DLGAP2: variants seen among roughly 807,000 people sequenced by gnomAD.
DLGAP2 encodes disks large-associated protein 2.
Under a neutral mutation model 100.3 loss-of-function variants are expected in DLGAP2, and 26 were observed. The ratio of observed to expected loss-of-function variants is 0.26; its 90% confidence interval spans 0.19 to 0.36. The LOEUF (loss-of-function observed/expected upper bound fraction) is 0.36, where lower values mean the gene tolerates loss of function less well. Among genes scored for constraint, DLGAP2 ranks in the 10% least tolerant of loss-of-function variants. DLGAP2 has a pLI of 1.00. For missense variants in DLGAP2, 1,858 were observed against 1,453.2 expected, an observed-to-expected ratio of 1.28 and a Z score of -4.53; for synonymous variants, 886 against 630.1, an observed-to-expected ratio of 1.41 and a Z score of -6.08.
intron 3 of DLGAP2, among the ~76,000 whole-genome samples, chr8:1,342,897 G>C (rs571326073): frequency 1.3e-4 from 20 of 152,062 alleles, no homozygotes; most frequent in Non-Finnish European, 2.6e-4. Flanking sequence ...GCTTTCTGCC[G>C]TCTTTGCCGT....
At chr8:1,083,767 C>T (rs1014342111) in intron 2 of DLGAP2, among the ~76,000 whole-genome samples, 3 of 151,996 alleles carry the variant, frequency 2.0e-5, no homozygotes, top group African/African-American at 4.8e-5. Context: ...GCAATTACAA[C>T]GAGTTATATA....
chr8:1,434,738 G>C (rs140820518), intron 3 of DLGAP2, among the ~76,000 whole-genome samples: 39 of 152,296 alleles, frequency 2.6e-4, no homozygotes, highest in Middle Eastern at 3.4e-3. Flanking sequence ...GTCTTCCAAA[G>C]TGCTGGGATT....
chr8:1,076,181 G>A (rs1238760756), intron 2 of DLGAP2, among the ~76,000 whole-genome samples: 1 of 152,194 alleles, frequency 6.6e-6, no homozygotes, highest in African/African-American at 2.4e-5. Context: ...CCATGAAGGT[G>A]AACCTGACGT....
intron 1 of DLGAP2, among the ~76,000 whole-genome samples, chr8:860,353 G>C (rs1269558556): frequency 6.6e-6 from 1 of 152,240 alleles, no homozygotes; most frequent in East Asian, 1.9e-4. Context: ...GAATAGCAGA[G>C]CTTCTGACCT....
chr8:834,820 A>C (rs1006940673), intron 1 of DLGAP2, among the ~76,000 whole-genome samples: 1 of 152,174 alleles, frequency 6.6e-6, no homozygotes, highest in Non-Finnish European at 1.5e-5. Flanking sequence ...CAGTATATCC[A>C]TGTAACAAAC....
chr8:1,447,729 G>T (rs1798021045), intron 3 of DLGAP2, among the ~76,000 whole-genome samples: 1 of 152,250 alleles, frequency 6.6e-6, no homozygotes, highest in South Asian at 2.1e-4. Flanking sequence ...ACTTTTTTTG[G>T]TTGGTAAGCT....
At chr8:1,186,630 C>G (rs940757956) in intron 2 of DLGAP2, among the ~76,000 whole-genome samples, 1 of 151,962 alleles carries the variant, frequency 6.6e-6, no homozygotes, top group East Asian at 1.9e-4. Context: ...TACTCCACTC[C>G]GTTGTGAGTA....
At chr8:1,176,571 A>G (rs983194599) in intron 2 of DLGAP2, among the ~76,000 whole-genome samples, 2 of 144,676 alleles carry the variant, frequency 1.4e-5, no homozygotes, top group Non-Finnish European at 3.0e-5. Flanking sequence ...GTTCATGCTC[A>G]GGTCCCACCC....
At chr8:1,489,257 C>T (rs895699510) in intron 3 of DLGAP2, among the ~76,000 whole-genome samples, 1 of 152,186 alleles carries the variant, frequency 6.6e-6, no homozygotes, top group African/African-American at 2.4e-5. Flanking sequence ...AAAAATGGGA[C>T]CGTCAGCTCT....
chr8:1,214,030 C>T (rs1273138245), intron 2 of DLGAP2, among the ~76,000 whole-genome samples: 1 of 152,100 alleles, frequency 6.6e-6, no homozygotes, highest in African/African-American at 2.4e-5. Context: ...CTCTGTGCCT[C>T]CCTTGTCCAC....
chr8:1,071,004 G>A (rs1803411198), intron 2 of DLGAP2, among the ~76,000 whole-genome samples: 1 of 152,168 alleles, frequency 6.6e-6, no homozygotes, highest in Non-Finnish European at 1.5e-5. Context: ...TTAGCAAACA[G>A]TGTGCTGTGG....
chr8:1,146,939 T>A (rs1186399350), intron 2 of DLGAP2, among the ~76,000 whole-genome samples: 2 of 152,236 alleles, frequency 1.3e-5, no homozygotes, highest in Non-Finnish European at 2.9e-5. Flanking sequence ...TTTCTTCCAA[T>A]AAATTTCTCC....
chr8:739,252 A>T (rs1361201670), intron 1 of DLGAP2: 5 of 151,270 alleles, frequency 3.3e-5, no homozygotes, highest in African/African-American at 1.2e-4. Context: ...GAAGGGGGGT[A>T]CCCCCCGGAG....
At chr8:1,686,689 A>G (rs1799123620) in intron 12 of DLGAP2, among the ~76,000 whole-genome samples, 1 of 151,812 alleles carries the variant, frequency 6.6e-6, no homozygotes, top group African/African-American at 2.4e-5. Flanking sequence ...AAAAAAGCAG[A>G]GCTCATGAAG....
At chr8:1,642,006 T>C (rs71518003) in intron 8 of DLGAP2, among the ~76,000 whole-genome samples, 1,225 of 10,852 alleles carry the variant, frequency 0.11, 208 homozygotes, top group South Asian at 0.16. Context: ...TCGACCCCGC[T>C]GGTCCTCACC....
At chr8:1,550,348 G>A (rs971249577) in intron 5 of DLGAP2, among the ~76,000 whole-genome samples, 4 of 152,216 alleles carry the variant, frequency 2.6e-5, no homozygotes, top group African/African-American at 4.8e-5. Context: ...CAGCTCTCAT[G>A]CGTGAGTCTG....
At chr8:1,411,156 G>A (rs1488762846) in intron 3 of DLGAP2, among the ~76,000 whole-genome samples, 2 of 152,034 alleles carry the variant, frequency 1.3e-5, no homozygotes, top group Admixed American at 6.6e-5. Context: ...AATTAAAATC[G>A]TCGTATGTTA....
At chr8:832,672 T>TA (rs1282770320) in intron 1 of DLGAP2, among the ~76,000 whole-genome samples, 1 of 152,240 alleles carries the variant, frequency 6.6e-6, no homozygotes, top group African/African-American at 2.4e-5. Context: ...GATAAACACT[T>TA]ATGTTAAAGC....
At chr8:1,366,242 C>T (rs1167662397) in intron 3 of DLGAP2, among the ~76,000 whole-genome samples, 1 of 152,110 alleles carries the variant, frequency 6.6e-6, no homozygotes, top group Non-Finnish European at 1.5e-5. Context: ...TTTGTTTATT[C>T]CTTCATAAAG....
Sources: allele counts gnomAD v4.1 joint callset (sites outside exome capture counted in the v4.1 genomes callset), GRCh38; gene constraint gnomAD v4.1.1; transcripts MANE v1.5; gene names NCBI Gene and HGNC (gene_info 2026-07-23, HGNC 2026-07-21).